KATNB1: variants seen among roughly 807,000 people sequenced by gnomAD.
KATNB1 encodes the protein katanin regulatory subunit B1.
A neutral mutation model predicts 82.3 loss-of-function variants in KATNB1; 38 were observed. The observed-to-expected ratio is 0.46, with a 90% CI of 0.36 to 0.61. The LOEUF (loss-of-function observed/expected upper bound fraction) is 0.61. Ranked by LOEUF, KATNB1 falls within the 20% of genes least tolerant of loss-of-function variation. KATNB1 has a pLI of 0.00. For missense variants in KATNB1, 749 were observed against 915.7 expected (o/e 0.82, Z 2.35); for synonymous variants, 361 against 368.7 (o/e 0.98, Z 0.24).
At position 57,748,248 on chromosome 16, in the gene KATNB1, C is replaced by T. The variant is rs183418202; in HGVS notation, c.290-2579C>T. On this transcript the variant is annotated intron_variant, in intron 4 of 19. Transcript: ENST00000379661. ...GCACAGCAGGTAGAGCTAAGACCTC[C>T]GGCCCCCCTCCACACCCCCTCGCCA... is the stretch of plus-strand genomic sequence containing the variant. Among the ~76,000 whole-genome samples, 79 of 152,196 alleles carry T rather than the reference C, an allele frequency of 5.2e-4. 1 individual carries two copies. Among genetic ancestry groups the T allele is most frequent in the African/African-American group, 1.6e-3 (67 of 41,510 alleles).
Position 57,753,447 on chromosome 16 carries a change from G to A in KATNB1, c.1105G>A (p.Glu369Lys), listed in dbSNP as rs782678665. Residue 369 changes from glutamate (E) to lysine (K), a missense_variant, in exon 12 of 20, where the codon GAG (glutamate) becomes AAG (lysine). This residue lies in a region of KATNB1 where 407 missense variants were observed against 434.7 expected (regional missense o/e 0.94). Coordinates refer to ENST00000379661, the MANE Select transcript of KATNB1 (RefSeq NM_005886.3). The stretch of plus-strand genomic sequence containing the variant: ...CCCCAGCAGCGAGGATGACCGGGAC[G>A]AGCGCGAGTCCCGCGCGGAGATCCA... Reference protein sequence around the residue: ...RSPSSEDDRDERESRAEIQNA... With the variant: ...RSPSSEDDRDKRESRAEIQNA... 7 of 1,612,968 alleles carry A rather than the reference G, an allele frequency of 4.3e-6. No homozygotes were observed. The African/African-American group carries it at 8.0e-5, about 18-fold the overall frequency.
chr16:57,755,808 T>C, intron 16 of KATNB1, 33 bp from the exon 17 acceptor site: 1 of 1,556,184 alleles, frequency 6.4e-7, no homozygotes, highest in Admixed American at 1.8e-5. Context: ...TGTCCCCCAC[T>C]GCCCCACCCC....
chr16:57,754,695 G>A (rs1178052470), intron 13 of KATNB1, among the ~76,000 whole-genome samples: 2 of 152,104 alleles, frequency 1.3e-5, no homozygotes, highest in African/African-American at 4.8e-5. Context: ...CCACATCCTA[G>A]AGCCCCCTGG....
intron 18 of KATNB1, 78 bp downstream of exon 18, chr16:57,756,144 G>T: frequency 1.3e-6 from 2 of 1,496,004 alleles, no homozygotes; most frequent in Non-Finnish European, 1.8e-6. Context: ...CCATGGGAAG[G>T]ACCCCCAAGA....
rs2049225186 is a variant in KATNB1 at position 57,751,276 on chromosome 16, A to G, written c.406A>G (p.Arg136Gly). Residue 136 changes from arginine (R) to glycine (G), a missense_variant, in exon 6 of 20, where the codon AGG (arginine) becomes GGG (glycine). Transcript: ENST00000379661. This position sits in a 1 kb window ranked among gnomAD's most constrained non-coding sequence, Gnocchi z 6.3. ...TCCCCCACAGCTCTGGGACATCAGG[A>G]GGAAAGGCTGTGTCTTCCGATACAG... Reference protein sequence around the residue: ...DTNIKLWDIRRKGCVFRYRGH... With the variant: ...DTNIKLWDIRGKGCVFRYRGH... 1.2e-6 allele frequency: 2 copies of G among 1,613,832 alleles called. No homozygotes were observed. The highest frequency in any genetic ancestry group is 1.7e-6 in the Non-Finnish European group (2 of 1,179,866).
intron 2 of KATNB1, among the ~76,000 whole-genome samples, chr16:57,738,565 C>T (rs2049120024): frequency 6.6e-6 from 1 of 152,142 alleles, no homozygotes; most frequent in East Asian, 1.9e-4. Context: ...CAAGACTCCA[C>T]ACTTTTTAAC....
intron 1 of KATNB1, 100 bp from the exon 2 acceptor site, chr16:57,736,878 G>A: frequency 2.0e-6 from 1 of 500,806 alleles, no homozygotes; most frequent in South Asian, 1.7e-5. Context: ...TGGTGGCTTT[G>A]GTGGGTGTCA....
chr16:57,756,321 G>A (rs782121400), intron 18 of KATNB1, 35 bp from the exon 19 acceptor site: 1 of 1,561,610 alleles, frequency 6.4e-7, no homozygotes. Context: ...TGTGGCCCTT[G>A]GTCCATCTGT....
intron 16 of KATNB1, 131 bp downstream of exon 16, chr16:57,755,625 C>A: frequency 2.4e-6 from 3 of 1,229,896 alleles, no homozygotes; most frequent in African/African-American, 1.5e-5. Flanking sequence ...CCTGACGTCA[C>A]ACCATCTGTT....
intron 4 of KATNB1, among the ~76,000 whole-genome samples, chr16:57,747,276 A>T (rs1555581674): frequency 6.6e-6 from 1 of 152,148 alleles, no homozygotes; most frequent in East Asian, 1.9e-4. Flanking sequence ...AGCAACGTGG[A>T]TTTTGCCGAG....
chr16:57,753,017 G>A (rs1389071341), intron 10 of KATNB1, 60 bp from the exon 11 acceptor site: 6 of 1,588,622 alleles, frequency 3.8e-6, no homozygotes, highest in Non-Finnish European at 5.1e-6. Context: ...CCCCCACACT[G>A]GGGCTGGGAT....
intron 2 of KATNB1, among the ~76,000 whole-genome samples, 192 bp downstream of exon 2, chr16:57,737,475 A>G (rs2049109761): frequency 6.6e-6 from 1 of 152,154 alleles, no homozygotes; most frequent in Non-Finnish European, 1.5e-5. Context: ...CAGGTGACTT[A>G]ACCTCTCTGA....
In KATNB1 at chr16:57,753,862, G is replaced by A. The variant is rs563090686; in HGVS notation, c.1178-83G>A. On this transcript the variant is annotated intron_variant, in intron 12 of 19. Coordinates refer to ENST00000379661, the MANE Select transcript of KATNB1 (RefSeq NM_005886.3). The stretch of plus-strand genomic sequence containing the variant: ...GCCGCATGCCTGGGAGCTACCCTCC[G>A]TCCCCCGCACTCTGGACAGGGCCCT... 6.3e-5 allele frequency: 83 copies of A among 1,322,016 alleles called. No individual in the cohort carries two copies. The Middle Eastern group carries it at 1.2e-3, about 20-fold the overall frequency. The allele number at this position is 1,322,016 out of a possible 1,614,324, so 81.9% of individuals were successfully genotyped here.
chr16:57,741,545 G>A, intron 2 of KATNB1, 142 bp from the exon 3 acceptor site: 2 of 827,726 alleles, frequency 2.4e-6, no homozygotes, highest in Non-Finnish European at 1.9e-6. Flanking sequence ...AGCTCATGGT[G>A]GACACCAAAG....
At position 57,739,128 on chromosome 16, in the gene KATNB1, C is replaced by T. The variant is rs143758215; in HGVS notation, c.40+1845C>T. Among the ~76,000 whole-genome samples, 1,345 of 152,318 alleles carry T rather than the reference C, an allele frequency of 8.8e-3. 12 individuals are homozygous for T. Among genetic ancestry groups the T allele is most frequent in the Non-Finnish European group, 0.015 (1,005 of 68,012 alleles). ...ACGGACCTACTGAGTTCTCAGGACC[C>T]CAGCCCTCCTGAGGCTGCCGTGCTT... On this transcript the variant is annotated intron_variant, in intron 2 of 19. Transcript: ENST00000379661.
chr16:57,739,242 T>C (rs868138643), intron 2 of KATNB1, among the ~76,000 whole-genome samples: 9 of 152,226 alleles, frequency 5.9e-5, no homozygotes, highest in Admixed American at 2.6e-4. Flanking sequence ...GCTGCTGATT[T>C]CATGTGCACG....
At chr16:57,756,681 TG>T in intron 19 of KATNB1, 132 bp from the exon 20 acceptor site, 1 of 1,386,430 alleles carries the variant, frequency 7.2e-7, no homozygotes, top group Non-Finnish European at 9.6e-7. Context: ...TGGCAGGGCC[TG>T]GGTGGTTCCC....
At chr16:57,740,842 C>T (rs2049136690) in intron 2 of KATNB1, among the ~76,000 whole-genome samples, 1 of 152,172 alleles carries the variant, frequency 6.6e-6, no homozygotes, top group Admixed American at 6.5e-5. Context: ...CTCATGAAGC[C>T]CACCCTCTGG....
At chr16:57,746,189 A>G (rs1471391410) in intron 4 of KATNB1, among the ~76,000 whole-genome samples, 1 of 152,202 alleles carries the variant, frequency 6.6e-6, no homozygotes, top group Non-Finnish European at 1.5e-5. Flanking sequence ...GAGTTTGAGT[A>G]TAGAGTTCTA....
Sources: gnomAD v4.1 joint callset for allele counts (sites outside exome capture counted in the v4.1 genomes callset) on GRCh38, gnomAD v4.1.1 for gene constraint, gnomAD v4.1.1 regional missense constraint, Gnocchi (gnomAD v3.1) non-coding constraint, MANE v1.5 for transcripts, NCBI Gene and HGNC (gene_info 2026-07-23, HGNC 2026-07-21) for gene names.